Variants in TTC17 observed in about 807,000 individuals in gnomAD.
TTC17 encodes tetratricopeptide repeat protein 17.
A neutral mutation model predicts 143.8 loss-of-function variants in TTC17; 58 were observed. The ratio of observed to expected loss-of-function variants is 0.40; its 90% CI spans 0.33 to 0.50. TTC17 has a LOEUF of 0.50. Ranked by LOEUF, TTC17 falls within the 20% of genes least tolerant of loss-of-function variation. The probability of loss-of-function intolerance (pLI) is 0.49; values close to 1 mark genes in which losing one functional copy is unlikely to be tolerated. For synonymous variants in TTC17, 501 were observed against 497.8 expected (o/e 1.01, Z -0.09); for missense variants, 1,273 against 1,392.5 (o/e 0.91, Z 1.37).
chr11:43,474,336 G>C (rs1250021723), intron 21 of TTC17, among the ~76,000 whole-genome samples: 1 of 152,060 alleles, frequency 6.6e-6, no homozygotes, highest in African/African-American at 2.4e-5. Context: ...GGGAAGAGTG[G>C]ATATATGTAG....
At chr11:43,468,012 G>A (rs1212577292) in intron 21 of TTC17, 1 of 152,018 alleles carries the variant, frequency 6.6e-6, no homozygotes, top group Non-Finnish European at 1.5e-5. Flanking sequence ...GACTCAAAGT[G>A]TGTGATCCAC....
intron 1 of TTC17, among the ~76,000 whole-genome samples, chr11:43,362,419 C>T (rs1263864736): frequency 2.0e-5 from 3 of 152,078 alleles, no homozygotes; most frequent in Admixed American, 2.0e-4. Context: ...AAGATAGGCA[C>T]CCACCAGTTA....
intron 21 of TTC17, among the ~76,000 whole-genome samples, chr11:43,479,239 C>A (rs1390470254): frequency 2.0e-4 from 29 of 147,060 alleles, no homozygotes; most frequent in Non-Finnish European, 2.8e-4. Flanking sequence ...GACTCCATCT[C>A]AAAAAAAGAA....
Position 43,407,435 on chromosome 11 carries a change from G to T in TTC17, c.1922G>T (p.Cys641Phe). Residue 641 changes from cysteine to phenylalanine, a missense_variant, in exon 15 of 24, where the codon TGT becomes TTT. Transcript: ENST00000039989. ...AVGNSTFAIA[C>F]LQRALNLAPL... Reference sequence around the variant, plus strand: ...GGAAATAGCACTTTTGCTATTGCCTGTCTTCAGAGGGCTTTGAATTTAGCT... The same window carrying T: ...GGAAATAGCACTTTTGCTATTGCCTTTCTTCAGAGGGCTTTGAATTTAGCT... 6.2e-7 allele frequency: 1 copy of T among 1,614,050 alleles called. No homozygotes were observed.
Position 43,490,190 on chromosome 11 carries a change from T to C in TTC17, c.3031-49T>C, listed in dbSNP as rs754805466. 3.8e-6 allele frequency: 6 copies of C among 1,569,942 alleles called. No homozygotes were observed. In the East Asian group the frequency reaches 1.1e-4, roughly 30 times the overall value. On this transcript the variant is annotated intron_variant, in intron 21 of 23. Coordinates refer to ENST00000039989, the MANE Select transcript of TTC17 (RefSeq NM_018259.6). Reference sequence around the variant, plus strand: ...TACTGAACTTAATCTTGGTAATAAATGAGTATGTTCTTGAAAGGACACCAG... The same window carrying C: ...TACTGAACTTAATCTTGGTAATAAACGAGTATGTTCTTGAAAGGACACCAG...
intron 2 of TTC17, among the ~76,000 whole-genome samples, chr11:43,380,360 A>G (rs895359521): frequency 4.6e-5 from 7 of 152,176 alleles, no homozygotes; most frequent in East Asian, 1.9e-4. Context: ...GGTTCAAGCC[A>G]TTCTCCTGCC....
chr11:43,443,215 G>T lies in TTC17; in HGVS notation c.2252-110G>T, dbSNP rs202097497. On this transcript the variant is annotated intron_variant, in intron 16 of 23. Transcript: ENST00000039989. ...ATTTTTATTACATTGGGCTATAGTA[G>T]TGCCTCTAAGCAGAGCCAAAACGTT... 6 of 1,239,516 alleles carry T rather than the reference G, an allele frequency of 4.8e-6. No individual in the cohort carries two copies. In the East Asian group the frequency reaches 1.4e-4, roughly 30 times the overall value. 76.8% of individuals were successfully genotyped at this position (1,239,516 alleles called of 1,614,324 possible).
chr11:43,457,077 G>A (rs918393829), intron 21 of TTC17, among the ~76,000 whole-genome samples: 2 of 152,106 alleles, frequency 1.3e-5, no homozygotes, highest in African/African-American at 4.8e-5. Flanking sequence ...CTTTTGGGCT[G>A]AGGAGACAAA....
intron 21 of TTC17, among the ~76,000 whole-genome samples, chr11:43,472,700 G>T (rs974935511): frequency 1.2e-4 from 18 of 152,118 alleles, no homozygotes; most frequent in Non-Finnish European, 2.4e-4. Context: ...GATATCAACT[G>T]TGACAAACTA....
intron 16 of TTC17, 61 bp from the exon 17 acceptor site, chr11:43,443,264 A>G: frequency 6.3e-7 from 1 of 1,575,670 alleles, no homozygotes; most frequent in Non-Finnish European, 8.6e-7. Flanking sequence ...GGTTGGAGTC[A>G]CCCAAGGTCT....
intron 1 of TTC17, among the ~76,000 whole-genome samples, chr11:43,364,087 A>G (rs1856234684): frequency 8.7e-6 from 1 of 115,166 alleles, no homozygotes. Context: ...ACGGAGTCTC[A>G]CTCTTATCAC....
chr11:43,429,454 T>G (rs1244930443), intron 16 of TTC17, among the ~76,000 whole-genome samples: 1 of 152,214 alleles, frequency 6.6e-6, no homozygotes, highest in African/African-American at 2.4e-5. Context: ...TTACTCTGTG[T>G]GGTGCCAAAG....
intron 1 of TTC17, among the ~76,000 whole-genome samples, chr11:43,377,019 G>A (rs1008403872): frequency 2.0e-5 from 3 of 152,208 alleles, no homozygotes; most frequent in Non-Finnish European, 2.9e-5. Context: ...ATTAGGTTGG[G>A]CGTGGTGGCT....
At chr11:43,461,142 T>C (rs1294503980) in intron 21 of TTC17, among the ~76,000 whole-genome samples, 2 of 151,868 alleles carry the variant, frequency 1.3e-5, no homozygotes, top group Non-Finnish European at 2.9e-5. Flanking sequence ...CCCAGCACTT[T>C]GGGAGGCCGA....
chr11:43,478,121 A>G (rs1196117708), intron 21 of TTC17, among the ~76,000 whole-genome samples: 1 of 152,246 alleles, frequency 6.6e-6, no homozygotes, highest in Non-Finnish European at 1.5e-5. Flanking sequence ...AAATGGTACC[A>G]TGAGGATGCA....
In TTC17 at chr11:43,443,338, G is replaced by A. The variant is rs949788796; in HGVS notation, c.2265G>A (p.Glu755=). ...CTTGAATTTCAGGTACGGTGGTTGA[G>A]GAGAGCAATGGTTCTGATGAGATGG... is the stretch of plus-strand genomic sequence containing the variant. ...TSSVCSGTVV[E]ESNGSDEMEN... Residue 755 remains glutamate (E), a synonymous_variant, in exon 17 of 24, where the codon GAG becomes GAA. Transcript: ENST00000039989. 6 of 1,614,044 alleles carry A rather than the reference G, an allele frequency of 3.7e-6. No individual in the cohort carries two copies. The African/African-American group carries it at 4.0e-5, about 11-fold the overall frequency.
intron 11 of TTC17, among the ~76,000 whole-genome samples, chr11:43,404,583 C>T (rs1858026019): frequency 6.6e-6 from 1 of 152,152 alleles, no homozygotes; most frequent in Admixed American, 6.5e-5. Context: ...AGACAATAAA[C>T]AAGTTAGTAC....
intron 1 of TTC17, among the ~76,000 whole-genome samples, chr11:43,362,494 G>A (rs1273344957): frequency 6.6e-6 from 1 of 152,178 alleles, no homozygotes; most frequent in African/African-American, 2.4e-5. Flanking sequence ...GGGTTGAAAA[G>A]GGGGTTAAGT....
intron 21 of TTC17, among the ~76,000 whole-genome samples, chr11:43,467,945 G>A (rs1232600160): frequency 6.6e-6 from 1 of 150,438 alleles, no homozygotes. Flanking sequence ...AGCAAGGTTT[G>A]AAGAGGTAAT....
Sources: gnomAD v4.1 joint callset for allele counts (sites outside exome capture counted in the v4.1 genomes callset) on GRCh38, gnomAD v4.1.1 for gene constraint, MANE v1.5 for transcripts, NCBI Gene and HGNC (gene_info 2026-07-23, HGNC 2026-07-21) for gene names.